Variants in KCND2 observed in about 807,000 individuals in gnomAD.
The protein encoded by KCND2 is potassium voltage-gated channel subfamily D member 2, also known as A-type voltage-gated potassium channel KCND2.
A neutral mutation model predicts 54.4 loss-of-function variants in KCND2; 16 were observed. The observed-to-expected ratio is 0.29, with a 90% CI of 0.20 to 0.45. KCND2 has a LOEUF of 0.45. Among genes scored for constraint, KCND2 ranks in the 20% least tolerant of loss-of-function variants. The pLI, the probability that KCND2 is intolerant of heterozygous loss-of-function variation, is 1.00. For missense variants in KCND2, 486 were observed against 824.2 expected, an observed-to-expected ratio of 0.59 and a Z score of 5.02; for synonymous variants, 317 against 310.7, an observed-to-expected ratio of 1.02 and a Z score of -0.21.
intron 1 of KCND2, among the ~76,000 whole-genome samples, chr7:120,456,315 C>T (rs562684599): frequency 6.6e-6 from 1 of 152,226 alleles, no homozygotes; most frequent in East Asian, 1.9e-4. Context: ...ACCATGAACC[C>T]ATCTCTATGA....
chr7:120,653,201 ATT>A (rs34093547), intron 1 of KCND2, among the ~76,000 whole-genome samples: 9,126 of 137,642 alleles, frequency 0.066, 760 homozygotes, highest in East Asian at 0.45. Flanking sequence ...GCCTGGCTAC[ATT>A]TTTTTTTTTT....
rs192543278 is a variant in KCND2, at chr7:120,684,453, A to G, written c.1116-48450A>G. Reference sequence around the variant, plus strand: ...GTAGCAAATTGCTTTATATTTTTCAATGTATTTCCACCAGTTTTCATTTTA... The same window carrying G: ...GTAGCAAATTGCTTTATATTTTTCAGTGTATTTCCACCAGTTTTCATTTTA... On this transcript the variant is annotated intron_variant, in intron 1 of 5. Transcript: ENST00000331113. 9.9e-5 allele frequency among the ~76,000 whole-genome samples: 15 copies of G among 152,280 alleles called. No homozygotes were observed. The East Asian group carries it at 1.7e-3, about 18-fold the overall frequency.
intron 1 of KCND2, among the ~76,000 whole-genome samples, chr7:120,415,224 A>T (rs1295512536): frequency 6.6e-6 from 1 of 152,012 alleles, no homozygotes; most frequent in African/African-American, 2.4e-5. Context: ...TCTCTACAAA[A>T]CTCCAAGTCC....
chr7:120,333,496 G>A (rs538852927), intron 1 of KCND2, among the ~76,000 whole-genome samples: 2 of 152,122 alleles, frequency 1.3e-5, no homozygotes, highest in South Asian at 4.1e-4. Flanking sequence ...TTCAAAAACA[G>A]CACAAACCTT....
Position 120,632,042 on chromosome 7 carries a change from C to A in KCND2, c.1116-100861C>A, listed in dbSNP as rs575327412. Among the ~76,000 whole-genome samples the A allele has an allele frequency of 7.2e-5, 11 of 152,124 alleles. No homozygotes were observed. In the South Asian group the frequency reaches 1.9e-3, roughly 26 times the overall value. The stretch of plus-strand genomic sequence containing the variant: ...TAGGTTCTTGTCATTACTCTAATAC[C>A]CCAATTTCCTGGGAAGATAAATGGA... On this transcript the variant is annotated intron_variant, in intron 1 of 5. Transcript: ENST00000331113.
At chr7:120,276,461 A>ATT (rs11431838) in intron 1 of KCND2, among the ~76,000 whole-genome samples, 4 of 151,184 alleles carry the variant, frequency 2.6e-5, no homozygotes, top group South Asian at 2.1e-4. Flanking sequence ...TCATCCACAC[A>ATT]TTTTTTTTTA....
intron 1 of KCND2, among the ~76,000 whole-genome samples, chr7:120,646,265 G>C (rs1355773527): frequency 6.6e-6 from 1 of 152,136 alleles, no homozygotes; most frequent in Non-Finnish European, 1.5e-5. Context: ...CAACATTGCT[G>C]TGGCATTAAC....
rs545832882 is a variant in KCND2, at chr7:120,654,512, A to G, written c.1116-78391A>G. Among the ~76,000 whole-genome samples the G allele has an allele frequency of 2.0e-5, 3 of 152,340 alleles. No homozygotes were observed. In the South Asian group the frequency reaches 6.2e-4, roughly 32 times the overall value. On this transcript the variant is annotated intron_variant, in intron 1 of 5. Transcript: ENST00000331113. Reference sequence around the variant, plus strand: ...AGACATATTGGCCATTTGTGAAGTAACATGTATGAGAATATTTACTGAAGT... The same window carrying G: ...AGACATATTGGCCATTTGTGAAGTAGCATGTATGAGAATATTTACTGAAGT...
intron 1 of KCND2, among the ~76,000 whole-genome samples, chr7:120,427,139 A>T (rs777751835): frequency 1.3e-5 from 2 of 152,170 alleles, no homozygotes; most frequent in African/African-American, 2.4e-5. Flanking sequence ...TCTTCCTTAC[A>T]GTTTGTTTCA....
At chr7:120,457,095 C>A (rs1802210815) in intron 1 of KCND2, among the ~76,000 whole-genome samples, 1 of 152,216 alleles carries the variant, frequency 6.6e-6, no homozygotes, top group Admixed American at 6.5e-5. Context: ...GCTGGAGCAG[C>A]TGGGACACAG....
At chr7:120,326,067 G>A (rs545929927) in intron 1 of KCND2, among the ~76,000 whole-genome samples, 1 of 152,120 alleles carries the variant, frequency 6.6e-6, no homozygotes, top group African/African-American at 2.4e-5. Flanking sequence ...GTATTTTGGG[G>A]ATCATTTTGT....
At chr7:120,660,995 G>A (rs1431730636) in intron 1 of KCND2, among the ~76,000 whole-genome samples, 1 of 152,108 alleles carries the variant, frequency 6.6e-6, no homozygotes, top group Non-Finnish European at 1.5e-5. Flanking sequence ...ATATAGTTAA[G>A]GGGAACAAGT....
At chr7:120,435,477 G>A (rs370221976) in intron 1 of KCND2, among the ~76,000 whole-genome samples, 5 of 151,622 alleles carry the variant, frequency 3.3e-5, no homozygotes, top group African/African-American at 1.2e-4. Flanking sequence ...GTTTTAGAAA[G>A]CCATTTTTTT....
At chr7:120,683,025 T>G (rs1792159829) in intron 1 of KCND2, among the ~76,000 whole-genome samples, 1 of 152,144 alleles carries the variant, frequency 6.6e-6, no homozygotes, top group African/African-American at 2.4e-5. Context: ...TGCTGTTGGC[T>G]AAAACATCTT....
chr7:120,655,915 A>G (rs549437670), intron 1 of KCND2, among the ~76,000 whole-genome samples: 1 of 152,242 alleles, frequency 6.6e-6, no homozygotes, highest in South Asian at 2.1e-4. Flanking sequence ...ATCTAATCAA[A>G]TAGGTCAAAA....
chr7:120,314,299 C>G (rs1219170954), intron 1 of KCND2, among the ~76,000 whole-genome samples: 1 of 151,368 alleles, frequency 6.6e-6, no homozygotes, highest in Non-Finnish European at 1.5e-5. Context: ...CACCACTGCA[C>G]CCCAGCCTGG....
intron 1 of KCND2, among the ~76,000 whole-genome samples, chr7:120,483,153 T>G (rs1802631091): frequency 6.6e-6 from 1 of 152,218 alleles, no homozygotes; most frequent in Non-Finnish European, 1.5e-5. Context: ...GATTATGGAC[T>G]GAACTTCAAA....
intron 1 of KCND2, among the ~76,000 whole-genome samples, chr7:120,525,424 C>T (rs1334553894): frequency 6.6e-6 from 1 of 152,240 alleles, no homozygotes; most frequent in Non-Finnish European, 1.5e-5. Context: ...TAATTTATTT[C>T]AGAAAACCTA....
At chr7:120,535,755 C>T (rs1041105812) in intron 1 of KCND2, among the ~76,000 whole-genome samples, 1 of 152,112 alleles carries the variant, frequency 6.6e-6, no homozygotes, top group African/African-American at 2.4e-5. Flanking sequence ...TAAAATTGTA[C>T]CCAGTGTTAT....
Sources: allele counts gnomAD v4.1 joint callset (sites outside exome capture counted in the v4.1 genomes callset), GRCh38; gene constraint gnomAD v4.1.1; transcripts MANE v1.5; gene names NCBI Gene and HGNC (gene_info 2026-07-23, HGNC 2026-07-21).